DPYD: variants seen among roughly 807,000 people sequenced by gnomAD.
DPYD encodes dihydropyrimidine dehydrogenase [NADP(+)].
In DPYD, 109 loss-of-function variants were observed where a neutral mutation model predicts 116.2. That is an observed-to-expected ratio of 0.94 (90% confidence interval 0.80 to 1.10). DPYD has a LOEUF of 1.10. Ranked by LOEUF, DPYD falls within the 50% of genes least tolerant of loss-of-function variation. DPYD has a pLI of 0.00. For missense variants in DPYD, 1,302 were observed against 1,254.5 expected (o/e 1.04, Z -0.57); for synonymous variants, 440 against 432.0 (o/e 1.02, Z -0.23).
chr1:97,425,873 C>T (rs2101712765), intron 14 of DPYD, among the ~76,000 whole-genome samples: 1 of 151,058 alleles, frequency 6.6e-6, no homozygotes, highest in Non-Finnish European at 1.5e-5. Context: ...TTATACATTT[C>T]AGCTTCAGTT....
At chr1:97,869,282 T>C (rs878987535) in intron 2 of DPYD, among the ~76,000 whole-genome samples, 2 of 151,840 alleles carry the variant, frequency 1.3e-5, no homozygotes, top group Admixed American at 6.6e-5. Context: ...AATAAACTTG[T>C]GGATTTGTGT....
chr1:97,305,497 C>T (rs1667105799), intron 17 of DPYD, 119 bp from the exon 18 acceptor site: 5 of 1,368,292 alleles, frequency 3.7e-6, no homozygotes, highest in Non-Finnish European at 5.2e-6. Context: ...CATGTCTTCT[C>T]CTCAAAGTTC....
At chr1:97,847,267 TCAAA>T (rs1326221969) in intron 2 of DPYD, among the ~76,000 whole-genome samples, 1 of 152,118 alleles carries the variant, frequency 6.6e-6, no homozygotes, top group Non-Finnish European at 1.5e-5. Flanking sequence ...AAATAATTAC[TCAAA>T]CAAAAACTCT....
chr1:97,828,650 G>A (rs1236091613), intron 2 of DPYD, among the ~76,000 whole-genome samples: 1 of 151,740 alleles, frequency 6.6e-6, no homozygotes, highest in East Asian at 1.9e-4. Flanking sequence ...TGACTAAGAT[G>A]AAGGGATAGA....
chr1:97,746,159 G>A (rs898155063), intron 3 of DPYD, among the ~76,000 whole-genome samples: 1 of 152,048 alleles, frequency 6.6e-6, no homozygotes, highest in African/African-American at 2.4e-5. Context: ...AAAGTGACTT[G>A]TCCTAAATCT....
At chr1:97,386,992 A>C (rs2101586668) in intron 14 of DPYD, among the ~76,000 whole-genome samples, 1 of 152,214 alleles carries the variant, frequency 6.6e-6, no homozygotes, top group East Asian at 1.9e-4. Flanking sequence ...AGAATGATGG[A>C]TATTTTATAT....
chr1:97,784,671 C>T (rs1666927586), intron 3 of DPYD, among the ~76,000 whole-genome samples: 1 of 152,194 alleles, frequency 6.6e-6, no homozygotes, highest in Non-Finnish European at 1.5e-5. Context: ...CTACCTACCT[C>T]TCTCCTATTT....
Position 97,850,585 on chromosome 1 carries a change from T to G in DPYD, c.151-22389A>C, listed in dbSNP as rs562802457. 4.4e-5 allele frequency among the ~76,000 whole-genome samples: 3 copies of G among 67,988 alleles called. No individual in the cohort carries two copies. In the Admixed American group the frequency reaches 4.7e-4, roughly 11 times the overall value. The allele number at this position is 67,988 out of a possible 152,430, so 44.6% of individuals were successfully genotyped here. A position where few individuals can be genotyped will look rare whatever the true frequency, so the allele number is the denominator to read the frequency against. The stretch of plus-strand genomic sequence containing the variant: ...GTTTTAAATATCTAAAATATCAGCC[T>G]CAGAATGCCAGAGTGACTGAATAGA... On this transcript the variant is annotated intron_variant, in intron 2 of 22. Transcript: ENST00000370192.
intron 10 of DPYD, among the ~76,000 whole-genome samples, chr1:97,576,456 C>T (rs886441265): frequency 1.3e-5 from 2 of 152,136 alleles, no homozygotes; most frequent in East Asian, 1.9e-4. Flanking sequence ...AATACCTCTA[C>T]AGTATCTGTT....
At chr1:97,155,561 T>C in intron 20 of DPYD, among the ~76,000 whole-genome samples, 1 of 152,220 alleles carries the variant, frequency 6.6e-6, no homozygotes, top group Non-Finnish European at 1.5e-5. Flanking sequence ...TAATTTGTTC[T>C]TCACTTTCAT....
intron 11 of DPYD, among the ~76,000 whole-genome samples, chr1:97,562,779 C>CA (rs757748404): frequency 4.6e-5 from 7 of 152,146 alleles, no homozygotes; most frequent in Non-Finnish European, 1.0e-4. Flanking sequence ...AGTGCAGTGG[C>CA]ATGATCTTGG....
At position 97,851,544 on chromosome 1, in the gene DPYD, G is replaced by A. The variant is rs185451730; in HGVS notation, c.151-23348C>T. ...ATAATTTAAATATGCAGGTGCATTC[G>A]GACCTCCCCTATGTAGTCTTTTCAA... is the stretch of plus-strand genomic sequence containing the variant. On this transcript the variant is annotated intron_variant, in intron 2 of 22. Transcript: ENST00000370192. 8.6e-4 allele frequency among the ~76,000 whole-genome samples: 130 copies of A among 151,738 alleles called. 4 individuals carry two copies. The highest frequency in any genetic ancestry group is 7.7e-4 in the East Asian group (4 of 5,162).
At chr1:97,513,091 C>T (rs907068110) in intron 13 of DPYD, among the ~76,000 whole-genome samples, 7 of 151,604 alleles carry the variant, frequency 4.6e-5, no homozygotes, top group Admixed American at 1.3e-4. Context: ...ACTGAGATAT[C>T]AACTGGCATT....
At chr1:97,529,773 CTTT>C (rs1649448324) in intron 12 of DPYD, among the ~76,000 whole-genome samples, 1 of 106,438 alleles carries the variant, frequency 9.4e-6, no homozygotes, top group African/African-American at 4.5e-5. Context: ...TCTCTTTCTT[CTTT>C]CTTTCTCTTT....
intron 5 of DPYD, among the ~76,000 whole-genome samples, chr1:97,712,398 T>C (rs1013380099): frequency 6.6e-6 from 1 of 152,088 alleles, no homozygotes; most frequent in African/African-American, 2.4e-5. Context: ...AGTCAACTAT[T>C]TTTTATATTA....
chr1:97,396,648 C>T (rs1177373224), intron 14 of DPYD, among the ~76,000 whole-genome samples: 3 of 151,974 alleles, frequency 2.0e-5, no homozygotes, highest in African/African-American at 7.2e-5. Flanking sequence ...TAGTATTGGC[C>T]CTTTATAATC....
intron 16 of DPYD, among the ~76,000 whole-genome samples, chr1:97,307,743 T>C (rs1477314434): frequency 6.6e-6 from 1 of 151,900 alleles, no homozygotes; most frequent in African/African-American, 2.4e-5. Flanking sequence ...CTGTACAAAT[T>C]CTAACTCATG....
In DPYD at chr1:97,396,290, G is replaced by A. The variant is rs954358995; in HGVS notation, c.1906-13829C>T. The stretch of plus-strand genomic sequence containing the variant: ...ACTCACAGTTGCATGGCTAATAAGA[G>A]TAGATACAAAGCTTGATCTGTTTGA... On this transcript the variant is annotated intron_variant, in intron 14 of 22. Transcript: ENST00000370192. 2.6e-5 allele frequency among the ~76,000 whole-genome samples: 4 copies of A among 151,876 alleles called. No homozygotes were observed. The East Asian group carries it at 7.8e-4, about 29-fold the overall frequency.
intron 11 of DPYD, among the ~76,000 whole-genome samples, chr1:97,550,487 C>T (rs897157580): frequency 2.6e-5 from 4 of 151,942 alleles, no homozygotes; most frequent in African/African-American, 9.7e-5. Context: ...AAATATCTAA[C>T]GAACATTTTG....
Sources: gnomAD v4.1 joint callset for allele counts (sites outside exome capture counted in the v4.1 genomes callset) on GRCh38, gnomAD v4.1.1 for gene constraint, MANE v1.5 for transcripts, NCBI Gene and HGNC (gene_info 2026-07-23, HGNC 2026-07-21) for gene names.